The following NHSL1 variants were observed in gnomAD, a reference collection of about 807,000 sequenced individuals.
NHSL1 encodes NHS-like protein 1.
NHSL1 carries 48 observed loss-of-function variants against 95.0 expected under a neutral mutation model. That is an observed-to-expected ratio of 0.51 (90% CI 0.40 to 0.64). The LOEUF (loss-of-function observed/expected upper bound fraction) is 0.64. Among genes scored for constraint, NHSL1 ranks in the 30% least tolerant of loss-of-function variants. The pLI, the probability that NHSL1 is intolerant of heterozygous loss-of-function variation, is 0.00. For synonymous variants in NHSL1, 783 were observed against 833.9 expected (o/e 0.94, Z 1.05); for missense variants, 1,971 against 2,077.7 (o/e 0.95, Z 1.00).
chr6:138,615,213 C>T (rs1254138237), intron 1 of NHSL1, among the ~76,000 whole-genome samples: 1 of 152,214 alleles, frequency 6.6e-6, no homozygotes, highest in East Asian at 1.9e-4. Flanking sequence ...CCTTCCAGCC[C>T]ACACCCTCCA....
In NHSL1 at chr6:138,430,665, A is replaced by G. The variant is rs1177664282; in HGVS notation, c.3680T>C (p.Val1227Ala). 6.4e-7 allele frequency: 1 copy of G among 1,551,548 alleles called. No homozygotes were observed. Among genetic ancestry groups the G allele is most frequent in the South Asian group, 1.2e-5 (1 of 84,060 alleles). ...AENVSEALRAVPSPTTGEEGS... is the reference protein window; with the variant it reads ...AENVSEALRAAPSPTTGEEGS... ...CTCCTCTCCCGTCGTGGGGCTGGGC[A>G]CAGCTCGGAGGGCTTCGCTCACGTT... Residue 1227 changes from valine to alanine, a missense_variant, in exon 6 of 8, where the codon GTG (valine) becomes GCG (alanine). Physicochemically the swap from Val to Ala is moderately conservative, Grantham distance 64. This residue lies in a region of NHSL1 where 1,602 missense variants were observed against 1,654.5 expected (regional missense o/e 0.97). Coordinates refer to ENST00000343505, the MANE Select transcript of NHSL1 (RefSeq NM_001144060.2). The surrounding 1 kb of genome is among the most constrained non-coding windows in gnomAD (Gnocchi z 4.7).
chr6:138,432,676 A>T lies in NHSL1; in HGVS notation c.1669T>A (p.Ser557Thr), dbSNP rs1292905260. The change falls in exon 6 of 8, where the codon TCC becomes ACC. Residue 557 changes from serine (S) to threonine (T), a missense_variant. Ser to Thr is a moderately conservative substitution (Grantham distance 58). Around this residue, in one of 3 missense-constraint regions of NHSL1, gnomAD observed 1,602 missense variants for 1,654.5 expected, o/e 0.97. Transcript: ENST00000343505. The surrounding 1 kb of genome is among the most constrained non-coding windows in gnomAD (Gnocchi z 4.4). The stretch of plus-strand genomic sequence containing the variant: ...GGGGATGCCCTTCCATTACCTGAGG[A>T]TTTGTATTCCCAGGGCTCCGAGCTG... ...HSSSEPWEYK[S>T]SGNGRASPLK... 10 of 1,551,526 alleles carry T rather than the reference A, an allele frequency of 6.4e-6. No homozygotes were observed. The East Asian group carries it at 2.4e-4, about 38-fold the overall frequency.
chr6:138,659,716 TTTTTG>T (rs1310918601), intron 1 of NHSL1, among the ~76,000 whole-genome samples: 72 of 132,126 alleles, frequency 5.4e-4, no homozygotes, highest in African/African-American at 2.1e-3. Flanking sequence ...CCACGTTTTT[TTTTTG>T]TTTTTTTTTT....
At chr6:138,656,709 T>G (rs1289112294) in intron 1 of NHSL1, among the ~76,000 whole-genome samples, 1 of 152,238 alleles carries the variant, frequency 6.6e-6, no homozygotes, top group Non-Finnish European at 1.5e-5. Context: ...TAGGATAATT[T>G]GTGGTGCTGA....
chr6:138,478,037 T>C lies in NHSL1; in HGVS notation c.212-4604A>G, dbSNP rs909237973. 5.5e-5 allele frequency among the ~76,000 whole-genome samples: 8 copies of C among 145,756 alleles called. No individual in the cohort carries two copies. In the East Asian group the frequency reaches 1.7e-3, roughly 30 times the overall value. ...CTTTTTTTTTTTTTTTTTTTTTTTT[T>C]TTTTGAGACTGAGTTTCGCTTTTTT... On this transcript the variant is annotated intron_variant, in intron 2 of 7. Coordinates refer to ENST00000343505, the MANE Select transcript of NHSL1 (RefSeq NM_001144060.2).
At position 138,432,253 on chromosome 6, in the gene NHSL1, C is replaced by G. The variant is rs781593755; in HGVS notation, c.2092G>C (p.Glu698Gln). The G allele has an allele frequency of 6.5e-7, 1 of 1,550,138 alleles. No homozygotes were observed. The highest frequency in any genetic ancestry group is 8.7e-7 in the Non-Finnish European group (1 of 1,146,250). The change falls in exon 6 of 8, where the codon GAG (glutamate) becomes CAG (glutamine). Residue 698 changes from glutamate (E) to glutamine (Q), a missense_variant. Glu to Gln is a conservative substitution (Grantham distance 29). Coordinates refer to ENST00000343505, the MANE Select transcript of NHSL1 (RefSeq NM_001144060.2). The surrounding 1 kb of genome is among the most constrained non-coding windows in gnomAD (Gnocchi z 4.4). ...SSQCNGQVLN[E>Q]SLIATLQHSL... ...TGCTGGAGTGTGGCGATCAGGCTCT[C>G]GTTGAGCACCTGCCCGTTGCACTGG...
Position 138,431,882 on chromosome 6 carries a change from T to C in NHSL1, c.2463A>G (p.Arg821=). The C allele has an allele frequency of 6.4e-7, 1 of 1,551,732 alleles. No individual in the cohort carries two copies. The highest frequency in any genetic ancestry group is 8.7e-7 in the Non-Finnish European group (1 of 1,146,998). ...GPVRHVQEGS[R]ATMPQVPGGS... is the part of the protein sequence containing the mutation. ...CACCGGGCACTTGGGGCATTGTGGC[T>C]CTGGACCCTTCTTGGACATGGCGGA... The change falls in exon 6 of 8, where the codon AGA becomes AGG. Residue 821 remains arginine (R), a synonymous_variant. Transcript: ENST00000343505. This position sits in a 1 kb window ranked among gnomAD's most constrained non-coding sequence, Gnocchi z 4.0.
rs567747288 is a variant in NHSL1 at position 138,423,680 on chromosome 6, C to T, written c.*401G>A. On this transcript the variant is annotated 3_prime_UTR_variant, in exon 8 of 8. Coordinates refer to ENST00000343505, the MANE Select transcript of NHSL1 (RefSeq NM_001144060.2). ...CTCTGAAAGCAATTACCGCCTAGACCAGAGGACTCCGTTACTCTACCAAGC... is the reference window on the plus strand; with the variant it reads ...CTCTGAAAGCAATTACCGCCTAGACTAGAGGACTCCGTTACTCTACCAAGC... 6.2e-6 allele frequency: 1 copy of T among 161,922 alleles called. No individual in the cohort carries two copies. The highest frequency in any genetic ancestry group is 1.8e-4 in the East Asian group (1 of 5,660). 10.0% of individuals were successfully genotyped at this position (161,922 alleles called of 1,614,324 possible).
At chr6:138,538,870 A>C (rs1008209508) in intron 1 of NHSL1, among the ~76,000 whole-genome samples, 5 of 152,324 alleles carry the variant, frequency 3.3e-5, no homozygotes, top group African/African-American at 9.6e-5. Flanking sequence ...TATGCTATTT[A>C]TATCTTTTTG....
At chr6:138,693,083 GGCGGCGGCC>G (rs962118519), upstream of NHSL1, among the ~76,000 whole-genome samples, 21 of 151,498 alleles carry the variant, frequency 1.4e-4, no homozygotes, top group African/African-American at 4.1e-4. The surrounding 1 kb of genome is among the most constrained non-coding windows in gnomAD (Gnocchi z 4.3). Context: ...AGCTCTGGGC[GGCGGCGGCC>G]GCGGCGGCGA....
chr6:138,429,586 A>G, intron 7 of NHSL1, 125 bp downstream of exon 7: 1 of 823,178 alleles, frequency 1.2e-6, no homozygotes, highest in South Asian at 2.2e-5. Context: ...AAAAATCAAC[A>G]GTAAAGTTAA....
At chr6:138,466,594 A>G (rs915090102) in intron 3 of NHSL1, among the ~76,000 whole-genome samples, 2 of 152,220 alleles carry the variant, frequency 1.3e-5, no homozygotes, top group Admixed American at 6.5e-5. Context: ...AGTCATGTGC[A>G]GCATAATGAC....
At chr6:138,589,444 C>T (rs899498543) in intron 1 of NHSL1, among the ~76,000 whole-genome samples, 4 of 152,176 alleles carry the variant, frequency 2.6e-5, no homozygotes, top group East Asian at 1.9e-4. Flanking sequence ...TTGTGCACTA[C>T]GGCACTGCCA....
chr6:138,522,244 G>T (rs1471053157), intron 1 of NHSL1, among the ~76,000 whole-genome samples: 2 of 152,236 alleles, frequency 1.3e-5, no homozygotes, highest in South Asian at 4.1e-4. Context: ...AAGGACATGT[G>T]AAGTCAAGAA....
Position 138,424,638 on chromosome 6 carries a change from G to A in NHSL1, c.4264C>T (p.Leu1422=). The A allele has an allele frequency of 6.4e-7, 1 of 1,551,618 alleles. No individual in the cohort carries two copies. The highest frequency in any genetic ancestry group is 1.2e-5 in the South Asian group (1 of 84,034). Residue 1422 remains leucine (L), a synonymous_variant, in exon 8 of 8, where the codon CTG becomes TTG. Transcript: ENST00000343505. The surrounding 1 kb of genome is among the most constrained non-coding windows in gnomAD (Gnocchi z 5.9). The part of the protein sequence containing the change: ...SSTSSDNFKA[L]LLKKGSRSDT... ...GAACGACTGCCCTTTTTCAGCAGCAGAGCTTTGAAGTTGTCACTGCTGGTG... is the reference window on the plus strand; with the variant it reads ...GAACGACTGCCCTTTTTCAGCAGCAAAGCTTTGAAGTTGTCACTGCTGGTG...
At position 138,432,783 on chromosome 6, in the gene NHSL1, C is replaced by T; in HGVS notation, c.1562G>A (p.Arg521Lys). 6.4e-7 allele frequency: 1 copy of T among 1,551,682 alleles called. No homozygotes were observed. ...NGSQAMPYNC[R>K]NNLAFPAHPQ... ...GTGGGCTGGGAAGGCCAGGTTGTTTCTACAATTATACGGCATAGCTTGGGA... is the reference window on the plus strand; with the variant it reads ...GTGGGCTGGGAAGGCCAGGTTGTTTTTACAATTATACGGCATAGCTTGGGA... Residue 521 changes from arginine (R) to lysine (K), a missense_variant, in exon 6 of 8, where the codon AGA (arginine) becomes AAA (lysine). Arg to Lys is a conservative substitution (Grantham distance 26). Transcript: ENST00000343505. This position sits in a 1 kb window ranked among gnomAD's most constrained non-coding sequence, Gnocchi z 4.4.
chr6:138,435,144 A>G (rs1347919857), intron 5 of NHSL1: 2 of 154,810 alleles, frequency 1.3e-5, no homozygotes, highest in Non-Finnish European at 2.9e-5. Flanking sequence ...ACCCACTTTG[A>G]GGAAGTGCAA....
chr6:138,432,785 A>G lies in NHSL1; in HGVS notation c.1560T>C (p.Cys520=), dbSNP rs1386702967. The G allele has an allele frequency of 6.4e-7, 1 of 1,551,546 alleles. No individual in the cohort carries two copies. Among genetic ancestry groups the G allele is most frequent in the African/African-American group, 1.4e-5 (1 of 73,022 alleles). Reference sequence around the variant, plus strand: ...GGGCTGGGAAGGCCAGGTTGTTTCTACAATTATACGGCATAGCTTGGGACC... The same window carrying G: ...GGGCTGGGAAGGCCAGGTTGTTTCTGCAATTATACGGCATAGCTTGGGACC... ...ENGSQAMPYN[C]RNNLAFPAHP... is the part of the protein sequence containing the mutation. Residue 520 remains cysteine (C), a synonymous_variant, in exon 6 of 8, where the codon TGT becomes TGC. Transcript: ENST00000343505. The surrounding 1 kb of genome is among the most constrained non-coding windows in gnomAD (Gnocchi z 4.4).
intron 1 of NHSL1, among the ~76,000 whole-genome samples, chr6:138,670,371 A>C (rs73568754): frequency 9.0e-6 from 1 of 111,528 alleles, no homozygotes; most frequent in Non-Finnish European, 1.8e-5. Context: ...CGTTGAAGGT[A>C]AAAAAAAAAA....
Sources: gnomAD v4.1 joint callset for allele counts (sites outside exome capture counted in the v4.1 genomes callset) on GRCh38, gnomAD v4.1.1 for gene constraint, gnomAD v4.1.1 regional missense constraint, Gnocchi (gnomAD v3.1) non-coding constraint, MANE v1.5 for transcripts, NCBI Gene and HGNC (gene_info 2026-07-23, HGNC 2026-07-21) for gene names.